CSMD3: variants seen among roughly 807,000 people sequenced by gnomAD.
CSMD3 encodes CUB and sushi domain-containing protein 3.
Under a neutral mutation model 435.2 loss-of-function variants are expected in CSMD3, and 177 were observed. The ratio of observed to expected loss-of-function variants is 0.41; its 90% CI spans 0.36 to 0.46. The LOEUF is 0.46. Among genes scored for constraint, CSMD3 ranks in the 20% least tolerant of loss-of-function variants. The pLI, the probability that CSMD3 is intolerant of heterozygous loss-of-function variation, is 0.34. For missense variants in CSMD3, 4,265 were observed against 4,504.6 expected (o/e 0.95, Z 1.52); for synonymous variants, 1,656 against 1,520.5 (o/e 1.09, Z -2.07).
At chr8:112,681,142 C>T (rs1175933154) in intron 16 of CSMD3, among the ~76,000 whole-genome samples, 1 of 151,554 alleles carries the variant, frequency 6.6e-6, no homozygotes, top group Non-Finnish European at 1.5e-5. Context: ...TCAAGCGATT[C>T]CCCTGCCTCA....
chr8:113,284,069 A>G (rs905730650), intron 2 of CSMD3, among the ~76,000 whole-genome samples: 1 of 152,120 alleles, frequency 6.6e-6, no homozygotes, highest in Non-Finnish European at 1.5e-5. Flanking sequence ...GACACAATGA[A>G]CTTTGGGGAC....
intron 13 of CSMD3, among the ~76,000 whole-genome samples, chr8:112,711,911 C>G (rs571843069): frequency 6.6e-6 from 1 of 152,022 alleles, no homozygotes; most frequent in Non-Finnish European, 1.5e-5. Flanking sequence ...TACAGGAGCA[C>G]GACACCAATT....
In CSMD3 at chr8:112,821,727, G is replaced by A. The variant is rs915744478; in HGVS notation, c.1859+7959C>T. On this transcript the variant is annotated intron_variant, in intron 12 of 70. Transcript: ENST00000297405. Reference sequence around the variant, plus strand: ...TTTTTGTCATGAAGTCTTTGCCCACGCCTGTGTCCTGAATGGCATTGTCCT... The same window carrying A: ...TTTTTGTCATGAAGTCTTTGCCCACACCTGTGTCCTGAATGGCATTGTCCT... 9.9e-5 allele frequency among the ~76,000 whole-genome samples: 15 copies of A among 152,086 alleles called. 1 individual carries two copies. Among genetic ancestry groups the A allele is most frequent in the African/African-American group, 3.1e-4 (13 of 41,422 alleles).
chr8:112,960,270 T>C (rs1235776579), intron 7 of CSMD3, among the ~76,000 whole-genome samples: 2 of 151,706 alleles, frequency 1.3e-5, no homozygotes, highest in Admixed American at 6.6e-5. Flanking sequence ...GATGACTTCT[T>C]TGATGTAATC....
intron 9 of CSMD3, among the ~76,000 whole-genome samples, chr8:112,936,596 C>CT (rs1160802595): frequency 6.6e-6 from 1 of 151,910 alleles, no homozygotes; most frequent in Non-Finnish European, 1.5e-5. Flanking sequence ...TTTCCTATAA[C>CT]TTTTTTTCAA....
At position 112,962,367 on chromosome 8, in the gene CSMD3, A is replaced by C. The variant is rs2084264088; in HGVS notation, c.1343-7606T>G. On this transcript the variant is annotated intron_variant, in intron 7 of 70. Transcript: ENST00000297405. ...TATTTGTTTCGCACTCAACATAAGA[A>C]ATCACTTATGTATATTATAAGGCCT... is the stretch of plus-strand genomic sequence containing the variant. Among the ~76,000 whole-genome samples the C allele has an allele frequency of 3.3e-5, 5 of 151,898 alleles. No individual in the cohort carries two copies. In the South Asian group the frequency reaches 1.0e-3, roughly 31 times the overall value.
At chr8:112,572,034 A>G (rs1011149388) in intron 24 of CSMD3, among the ~76,000 whole-genome samples, 2 of 151,202 alleles carry the variant, frequency 1.3e-5, no homozygotes, top group Admixed American at 6.6e-5. Context: ...AGGACAGCAT[A>G]TTTAAAAAAA....
At chr8:112,471,481 T>G (rs927380153) in intron 32 of CSMD3, among the ~76,000 whole-genome samples, 6 of 152,160 alleles carry the variant, frequency 3.9e-5, no homozygotes, top group African/African-American at 1.4e-4. Flanking sequence ...CTTTGTAGAG[T>G]ACAAAAACAG....
chr8:112,585,688 A>C (rs1830672123), intron 23 of CSMD3, among the ~76,000 whole-genome samples: 1 of 151,702 alleles, frequency 6.6e-6, no homozygotes, highest in African/African-American at 2.4e-5. Flanking sequence ...GGCATGAGTG[A>C]AGATGTGAAG....
intron 3 of CSMD3, among the ~76,000 whole-genome samples, chr8:113,221,160 G>T (rs1367022527): frequency 6.6e-6 from 1 of 151,180 alleles, no homozygotes; most frequent in Non-Finnish European, 1.5e-5. Flanking sequence ...GCATTATTGT[G>T]TCAATTTGCA....
chr8:112,898,981 G>A (rs949607590), intron 10 of CSMD3, among the ~76,000 whole-genome samples: 3 of 151,126 alleles, frequency 2.0e-5, no homozygotes, highest in Admixed American at 6.6e-5. Flanking sequence ...ATTCATCTTG[G>A]TAAAGTGAAT....
At chr8:113,136,317 TA>T (rs1339558158) in intron 4 of CSMD3, among the ~76,000 whole-genome samples, 2 of 151,844 alleles carry the variant, frequency 1.3e-5, no homozygotes, top group African/African-American at 4.8e-5. Flanking sequence ...CTAGTATGAC[TA>T]ATGAAGAGAA....
At chr8:112,882,193 T>G (rs963911559) in intron 10 of CSMD3, among the ~76,000 whole-genome samples, 3 of 151,864 alleles carry the variant, frequency 2.0e-5, no homozygotes, top group Admixed American at 2.0e-4. Flanking sequence ...AAGGAAAAAT[T>G]AAGCTTGGAA....
At chr8:113,234,288 C>T (rs530576958) in intron 3 of CSMD3, among the ~76,000 whole-genome samples, 12 of 152,174 alleles carry the variant, frequency 7.9e-5, no homozygotes. Context: ...ACACTGGCAT[C>T]GAATCTTTCC....
At chr8:112,380,879 A>G (rs919273476) in intron 37 of CSMD3, among the ~76,000 whole-genome samples, 1 of 152,164 alleles carries the variant, frequency 6.6e-6, no homozygotes. Context: ...CAAAGAGATT[A>G]TTACTCTGTA....
chr8:113,089,668 A>C (rs2089934789), intron 5 of CSMD3, among the ~76,000 whole-genome samples: 1 of 152,144 alleles, frequency 6.6e-6, no homozygotes, highest in South Asian at 2.1e-4. Flanking sequence ...CTATAGTGCA[A>C]ATAAGGCAAG....
chr8:113,389,470 T>A (rs993369591), intron 1 of CSMD3, among the ~76,000 whole-genome samples: 1 of 151,424 alleles, frequency 6.6e-6, no homozygotes, highest in Non-Finnish European at 1.5e-5. Context: ...AAGTGGCTAA[T>A]GTATTGAAGA....
chr8:112,352,583 G>T (rs772886189), intron 38 of CSMD3, 49 bp from the exon 39 acceptor site: 39 of 1,504,034 alleles, frequency 2.6e-5, no homozygotes, highest in Non-Finnish European at 3.3e-5. Context: ...AGTGATAAAT[G>T]CTTAAGTTAT....
chr8:112,531,505 T>C (rs542531550), intron 27 of CSMD3, among the ~76,000 whole-genome samples: 1 of 152,162 alleles, frequency 6.6e-6, no homozygotes, highest in African/African-American at 2.4e-5. Flanking sequence ...CAGCTGAGTA[T>C]GAAGAGACTC....
Sources: gnomAD v4.1 joint callset for allele counts (sites outside exome capture counted in the v4.1 genomes callset) on GRCh38, gnomAD v4.1.1 for gene constraint, MANE v1.5 for transcripts, NCBI Gene and HGNC (gene_info 2026-07-23, HGNC 2026-07-21) for gene names.